Variants in ASTN2 observed in about 807,000 individuals in gnomAD.
ASTN2 encodes astrotactin 2, also known as astrotactin-2.
ASTN2 carries 54 observed loss-of-function variants against 139.8 expected under a neutral mutation model. That is an observed-to-expected ratio of 0.39 (90% confidence interval 0.31 to 0.48). The LOEUF (loss-of-function observed/expected upper bound fraction) is 0.48. Ranked by LOEUF, ASTN2 falls within the 20% of genes least tolerant of loss-of-function variation. ASTN2 has a pLI of 0.95. For missense variants in ASTN2, 1,565 were observed against 1,725.1 expected, an observed-to-expected ratio of 0.91 and a Z score of 1.64; for synonymous variants, 756 against 719.5, an observed-to-expected ratio of 1.05 and a Z score of -0.81.
chr9:117,387,007 C>G (rs1323900821), intron 1 of ASTN2, among the ~76,000 whole-genome samples: 1 of 152,114 alleles, frequency 6.6e-6, no homozygotes, highest in African/African-American at 2.4e-5. Context: ...CTGGGAAGGT[C>G]CCTTGACCTC....
intron 5 of ASTN2, among the ~76,000 whole-genome samples, chr9:117,065,144 C>G (rs964857619): frequency 1.3e-5 from 2 of 152,132 alleles, no homozygotes; most frequent in Non-Finnish European, 2.9e-5. Context: ...GGATTGCTGA[C>G]AGCTCCAGGA....
In ASTN2 at chr9:117,204,622, T is replaced by A. The variant is rs75058577; in HGVS notation, c.1015+9736A>T. Reference sequence around the variant, plus strand: ...CTGGAAGAGGGAGTAGATTACTCATTTGGGTTGGGTTGAGGAAGATAACTG... The same window carrying A: ...CTGGAAGAGGGAGTAGATTACTCATATGGGTTGGGTTGAGGAAGATAACTG... On this transcript the variant is annotated intron_variant, in intron 3 of 22. Transcript: ENST00000313400. 6.6e-5 allele frequency among the ~76,000 whole-genome samples: 10 copies of A among 152,230 alleles called. No individual in the cohort carries two copies. The East Asian group carries it at 1.9e-3, about 30-fold the overall frequency.
At chr9:116,633,551 C>A (rs1191584306) in intron 17 of ASTN2, among the ~76,000 whole-genome samples, 1 of 152,112 alleles carries the variant, frequency 6.6e-6, no homozygotes, top group African/African-American at 2.4e-5. Context: ...AGATGAGAGG[C>A]GGGTTGGAAA....
intron 1 of ASTN2, among the ~76,000 whole-genome samples, chr9:117,313,702 C>T (rs1828047433): frequency 6.6e-6 from 1 of 152,096 alleles, no homozygotes; most frequent in Non-Finnish European, 1.5e-5. Flanking sequence ...CCAGAACCAG[C>T]CAGTTAGACA....
chr9:117,113,092 C>A (rs1829289298), intron 4 of ASTN2, among the ~76,000 whole-genome samples: 1 of 152,150 alleles, frequency 6.6e-6, no homozygotes, highest in Non-Finnish European at 1.5e-5. Flanking sequence ...TCTTACCAGT[C>A]TTGACAAGGT....
At chr9:117,278,749 AT>A (rs1188200671) in intron 2 of ASTN2, among the ~76,000 whole-genome samples, 1 of 152,216 alleles carries the variant, frequency 6.6e-6, no homozygotes, top group Non-Finnish European at 1.5e-5. Context: ...CGAAGTTTGA[AT>A]TGGGTAATTG....
intron 5 of ASTN2, among the ~76,000 whole-genome samples, chr9:117,062,238 C>T (rs1839315674): frequency 6.6e-6 from 1 of 152,164 alleles, no homozygotes; most frequent in South Asian, 2.1e-4. Flanking sequence ...GCCACCTCAG[C>T]CAAACTACCT....
At chr9:116,547,133 C>G (rs1471448404) in intron 19 of ASTN2, among the ~76,000 whole-genome samples, 2 of 151,986 alleles carry the variant, frequency 1.3e-5, no homozygotes, top group East Asian at 3.9e-4. Flanking sequence ...ACTTAAGAAC[C>G]AAAGAGGTTT....
intron 2 of ASTN2, among the ~76,000 whole-genome samples, chr9:117,251,229 CA>C (rs1292313700): frequency 1.3e-5 from 2 of 152,024 alleles, no homozygotes; most frequent in East Asian, 3.9e-4. Flanking sequence ...GCCCTCTACT[CA>C]GATACCTCTG....
At chr9:116,991,736 C>A (rs570791618) in intron 7 of ASTN2, among the ~76,000 whole-genome samples, 1 of 152,158 alleles carries the variant, frequency 6.6e-6, no homozygotes, top group South Asian at 2.1e-4. Context: ...AAGATTTCAG[C>A]CCTGGTCTGT....
At chr9:116,914,579 A>G (rs934389540) in intron 10 of ASTN2, among the ~76,000 whole-genome samples, 1 of 140,308 alleles carries the variant, frequency 7.1e-6, no homozygotes, top group Non-Finnish European at 1.5e-5. Context: ...TTATTTATAT[A>G]TATTTTTTTT....
intron 1 of ASTN2, among the ~76,000 whole-genome samples, chr9:117,329,832 A>T (rs942888653): frequency 7.2e-5 from 11 of 152,338 alleles, no homozygotes; most frequent in African/African-American, 2.6e-4. Context: ...CTTGACACTA[A>T]AATAATAATA....
rs1564337433 is a variant in ASTN2 at position 116,912,039 on chromosome 9, G to C, written c.1890-48306C>G. ...CTAACTCCCTGGCATTCTAACTCCA[G>C]GAAGCTTTGCTTCTCTGTGATGGGT... On this transcript the variant is annotated intron_variant, in intron 10 of 22. Transcript: ENST00000313400. 1.3e-5 allele frequency among the ~76,000 whole-genome samples: 2 copies of C among 152,180 alleles called. 1 individual carries two copies. The highest frequency in any genetic ancestry group is 4.1e-4 in the South Asian group (2 of 4,822).
At chr9:117,216,611 A>T (rs1373028789) in intron 2 of ASTN2, among the ~76,000 whole-genome samples, 1 of 152,214 alleles carries the variant, frequency 6.6e-6, no homozygotes, top group African/African-American at 2.4e-5. Context: ...TGTATATATC[A>T]CCTTAAAAAA....
chr9:116,496,988 G>C (rs1028919220), intron 19 of ASTN2, among the ~76,000 whole-genome samples: 3 of 152,148 alleles, frequency 2.0e-5, no homozygotes, highest in African/African-American at 7.2e-5. Context: ...GACTTGGTTG[G>C]GGACACAGCC....
chr9:117,007,794 A>T (rs1267280838), intron 7 of ASTN2, among the ~76,000 whole-genome samples: 1 of 152,108 alleles, frequency 6.6e-6, no homozygotes, highest in Non-Finnish European at 1.5e-5. Context: ...AGCTAGTACC[A>T]AGAAGATAGG....
At chr9:117,134,513 G>C (rs1418936099) in intron 4 of ASTN2, among the ~76,000 whole-genome samples, 1 of 151,934 alleles carries the variant, frequency 6.6e-6, no homozygotes, top group Non-Finnish European at 1.5e-5. Context: ...GGAGGATTTT[G>C]TGGCTTCCCA....
intron 3 of ASTN2, among the ~76,000 whole-genome samples, chr9:117,204,861 A>G (rs1489776618): frequency 6.6e-6 from 1 of 152,224 alleles, no homozygotes; most frequent in Non-Finnish European, 1.5e-5. Flanking sequence ...ATATAGGAAG[A>G]TGTTTTCTGC....
At chr9:116,852,905 AC>A (rs1832648875) in intron 11 of ASTN2, among the ~76,000 whole-genome samples, 1 of 151,384 alleles carries the variant, frequency 6.6e-6, no homozygotes, top group Non-Finnish European at 1.5e-5. Context: ...ACACACACAC[AC>A]ACACACACAC....
Sources: allele counts gnomAD v4.1 joint callset (sites outside exome capture counted in the v4.1 genomes callset), GRCh38; gene constraint gnomAD v4.1.1; transcripts MANE v1.5; gene names NCBI Gene and HGNC (gene_info 2026-07-23, HGNC 2026-07-21).